The following GALNT13 variants were observed in gnomAD, a reference collection of about 807,000 sequenced individuals.
The protein encoded by GALNT13 is polypeptide N-acetylgalactosaminyltransferase 13, also known as UDP-GalNAc:polypeptide N-acetylgalactosaminyltransferase 13.
A neutral mutation model predicts 64.2 loss-of-function variants in GALNT13; 28 were observed. The observed-to-expected ratio is 0.44, with a 90% CI of 0.32 to 0.60. GALNT13 has a LOEUF of 0.60. GALNT13 is among the 20% of genes least tolerant of loss of function. The pLI, the probability that GALNT13 is intolerant of heterozygous loss-of-function variation, is 0.05. For synonymous variants in GALNT13, 214 were observed against 224.6 expected, an observed-to-expected ratio of 0.95 and a Z score of 0.42; for missense variants, 577 against 669.8, an observed-to-expected ratio of 0.86 and a Z score of 1.53.
the GALNT13 span, among the ~76,000 whole-genome samples, chr2:153,408,986 TG>T: frequency 6.6e-6 from 1 of 151,474 alleles, no homozygotes; most frequent in Non-Finnish European, 1.5e-5. Flanking sequence ...CTGAGTCTTC[TG>T]GCCTTTATCT....
rs1156668019 is a variant in GALNT13 at position 154,358,771 on chromosome 2, T to C, written c.1157-37220T>C. On this transcript the variant is annotated intron_variant, in intron 9 of 12. Transcript: ENST00000392825. ...CCAATGTTTACGCTGCTAACTTAAC[T>C]ACTTAGATACTTGCCACGTACAGTC... Among the ~76,000 whole-genome samples, 3 of 152,110 alleles carry C rather than the reference T, an allele frequency of 2.0e-5. No individual in the cohort carries two copies. The East Asian group carries it at 5.8e-4, about 29-fold the overall frequency.
the GALNT13 span, among the ~76,000 whole-genome samples, chr2:153,637,870 G>T: frequency 2.0e-5 from 3 of 152,134 alleles, no homozygotes; most frequent in Admixed American, 6.6e-5. Context: ...TACGAATTGG[G>T]CAAATACTAT....
At chr2:154,290,726 C>G (rs905559995) in intron 8 of GALNT13, among the ~76,000 whole-genome samples, 2 of 152,078 alleles carry the variant, frequency 1.3e-5, no homozygotes, top group African/African-American at 2.4e-5. Context: ...AGCTGCGGAC[C>G]CTTGCAGTGA....
the GALNT13 span, among the ~76,000 whole-genome samples, chr2:153,575,116 G>A: frequency 5.8e-3 from 879 of 152,258 alleles, 10 homozygotes; most frequent in Admixed American, 0.018. Context: ...TTGCAACCTT[G>A]CAGAGGTACC....
the GALNT13 span, among the ~76,000 whole-genome samples, chr2:153,301,145 G>A: frequency 4.0e-5 from 6 of 151,730 alleles, no homozygotes; most frequent in African/African-American, 1.2e-4. Flanking sequence ...GGAGTGAGCC[G>A]TGATCATGCC....
the GALNT13 span, among the ~76,000 whole-genome samples, chr2:153,854,697 T>G: frequency 6.6e-6 from 1 of 152,142 alleles, no homozygotes; most frequent in Non-Finnish European, 1.5e-5. Flanking sequence ...AAACATATAC[T>G]ATGTTATGTT....
At chr2:153,640,986 G>C in the GALNT13 span, among the ~76,000 whole-genome samples, 1 of 152,056 alleles carries the variant, frequency 6.6e-6, no homozygotes, top group Non-Finnish European at 1.5e-5. Context: ...GTCTCTTTGT[G>C]GAGTCTAAAT....
chr2:153,525,909 G>T, the GALNT13 span, among the ~76,000 whole-genome samples: 1 of 152,220 alleles, frequency 6.6e-6, no homozygotes, highest in Non-Finnish European at 1.5e-5. Flanking sequence ...TTGTTGGTAG[G>T]CTGGCAGTAC....
the GALNT13 span, chr2:153,478,863 T>G: frequency 2.8e-6 from 1 of 360,866 alleles, no homozygotes; most frequent in Non-Finnish European, 5.1e-6. Flanking sequence ...CCGTGGGAGG[T>G]GCGGGCCGCG....
At chr2:153,196,208 C>T in the GALNT13 span, among the ~76,000 whole-genome samples, 68 of 152,178 alleles carry the variant, frequency 4.5e-4, no homozygotes, top group Middle Eastern at 3.4e-3. Context: ...CACCTGTTTC[C>T]GCCCAGGAGC....
chr2:154,428,877 G>C (rs1019353728), intron 11 of GALNT13, among the ~76,000 whole-genome samples: 1 of 151,842 alleles, frequency 6.6e-6, no homozygotes, highest in Non-Finnish European at 1.5e-5. Flanking sequence ...CGCCTCCCGG[G>C]TTCATGCCAT....
the GALNT13 span, among the ~76,000 whole-genome samples, chr2:153,589,829 C>A: frequency 1.6e-3 from 237 of 152,274 alleles, no homozygotes; most frequent in African/African-American, 5.6e-3. Context: ...ACCAGATCCT[C>A]CCACACAATA....
At chr2:153,220,505 A>G in the GALNT13 span, among the ~76,000 whole-genome samples, 2 of 152,200 alleles carry the variant, frequency 1.3e-5, no homozygotes, top group Non-Finnish European at 2.9e-5. Context: ...GCGCATGCTC[A>G]CCTCTGGTGC....
At chr2:154,116,404 T>C (rs1292209175) in intron 3 of GALNT13, among the ~76,000 whole-genome samples, 2 of 152,122 alleles carry the variant, frequency 1.3e-5, no homozygotes, top group African/African-American at 4.8e-5. Flanking sequence ...TTTTCCACAA[T>C]TTCAGCTCTT....
chr2:153,301,696 A>C, the GALNT13 span, among the ~76,000 whole-genome samples: 1 of 152,126 alleles, frequency 6.6e-6, no homozygotes, highest in African/African-American at 2.4e-5. Flanking sequence ...TCTCTTCACC[A>C]CATCCACCAC....
intron 3 of GALNT13, among the ~76,000 whole-genome samples, chr2:153,965,609 C>T (rs1304766545): frequency 6.6e-6 from 1 of 151,864 alleles, no homozygotes; most frequent in Non-Finnish European, 1.5e-5. Context: ...TTTTCTTCTT[C>T]TTAATGTTTT....
At chr2:153,165,440 C>G in the GALNT13 span, among the ~76,000 whole-genome samples, 1 of 152,148 alleles carries the variant, frequency 6.6e-6, no homozygotes, top group South Asian at 2.1e-4. Flanking sequence ...TACAAACAGC[C>G]AGATTTATTT....
upstream of GALNT13, among the ~76,000 whole-genome samples, chr2:153,868,697 T>C (rs1484039912): frequency 6.6e-6 from 1 of 152,198 alleles, no homozygotes; most frequent in Non-Finnish European, 1.5e-5. Context: ...CTGTCTTTTG[T>C]ATACTCTGTA....
the GALNT13 span, among the ~76,000 whole-genome samples, chr2:153,372,363 A>AGAG: frequency 6.6e-6 from 1 of 152,002 alleles, no homozygotes; most frequent in Non-Finnish European, 1.5e-5. Context: ...AGAAAGCAGA[A>AGAG]GAGGCCAGGT....
Sources: gnomAD v4.1 joint callset for allele counts (sites outside exome capture counted in the v4.1 genomes callset) on GRCh38, gnomAD v4.1.1 for gene constraint, MANE v1.5 for transcripts, NCBI Gene and HGNC (gene_info 2026-07-23, HGNC 2026-07-21) for gene names.